The following PCDHA5 variants were observed in gnomAD, a reference collection of about 807,000 sequenced individuals.
PCDHA5 encodes the protein protocadherin alpha 5, also known as protocadherin alpha-5.
In PCDHA5, 43 loss-of-function variants were observed where a neutral mutation model predicts 61.6. That is an observed-to-expected ratio of 0.70 (90% CI 0.55 to 0.90). The LOEUF (loss-of-function observed/expected upper bound fraction) is 0.90. Ranked by LOEUF, PCDHA5 falls within the 40% of genes least tolerant of loss-of-function variation. The probability of loss-of-function intolerance (pLI) is 0.00; values close to 1 mark genes in which losing one functional copy is unlikely to be tolerated. For synonymous variants in PCDHA5, 627 were observed against 543.9 expected, an observed-to-expected ratio of 1.15 and a Z score of -2.13; for missense variants, 1,298 against 1,222.7, an observed-to-expected ratio of 1.06 and a Z score of -0.92.
chr5:140,978,849 T>C, intron 1 of PCDHA5, 100 bp from the exon 2 acceptor site: 7 of 1,577,036 alleles, frequency 4.4e-6, no homozygotes, highest in Non-Finnish European at 5.2e-6. Flanking sequence ...CTTTTTTAGA[T>C]GCCTGGAAAT....
intron 3 of PCDHA5, among the ~76,000 whole-genome samples, chr5:141,008,048 G>A (rs2098358764): frequency 1.3e-5 from 2 of 151,972 alleles, no homozygotes; most frequent in South Asian, 4.2e-4. Flanking sequence ...TTTGTAACAG[G>A]GGTCCAGTCC....
intron 1 of PCDHA5, among the ~76,000 whole-genome samples, chr5:140,899,340 C>T (rs1199833845): frequency 6.6e-6 from 1 of 152,062 alleles, no homozygotes; most frequent in Non-Finnish European, 1.5e-5. Flanking sequence ...TCATAGATAG[C>T]TCTTATTATT....
chr5:140,890,505 C>T (rs968263026), intron 1 of PCDHA5, among the ~76,000 whole-genome samples: 4 of 151,914 alleles, frequency 2.6e-5, no homozygotes, highest in Admixed American at 2.6e-4. Flanking sequence ...ATTTTTATGT[C>T]TCTATTTCCT....
chr5:140,940,485 ACAAGT>A (rs1554213400), intron 1 of PCDHA5, among the ~76,000 whole-genome samples: 1 of 151,718 alleles, frequency 6.6e-6, no homozygotes, highest in African/African-American at 2.4e-5. Flanking sequence ...TTTTTTCAAG[ACAAGT>A]CTTGCTCCGT....
At chr5:140,907,746 T>G (rs1240884837) in intron 1 of PCDHA5, among the ~76,000 whole-genome samples, 3 of 152,302 alleles carry the variant, frequency 2.0e-5, no homozygotes, top group African/African-American at 7.2e-5. Context: ...ATGGCCACTT[T>G]GTTCATGGGC....
At chr5:140,920,481 G>T (rs2079651233) in intron 1 of PCDHA5, among the ~76,000 whole-genome samples, 1 of 151,886 alleles carries the variant, frequency 6.6e-6, no homozygotes, top group Non-Finnish European at 1.5e-5. Context: ...TATGTTTTTG[G>T]TCCAACAATA....
rs146745311 is a variant in PCDHA5 at position 140,842,835 on chromosome 5, C to G, written c.2352+18708C>G. 9.4e-6 allele frequency: 15 copies of G among 1,593,736 alleles called. 3 individuals are homozygous for G. The African/African-American group carries it at 1.6e-4, about 17-fold the overall frequency. Reference sequence around the variant, plus strand: ...CGGCGGGTGGGCGAGCGCTCGCTGTCGAGCTACATTTCGGTGCACACGGAG... The same window carrying G: ...CGGCGGGTGGGCGAGCGCTCGCTGTGGAGCTACATTTCGGTGCACACGGAG... On this transcript the variant is annotated intron_variant, in intron 1 of 3. Transcript: ENST00000529859.
At chr5:140,997,673 TG>T (rs1554255971) in intron 3 of PCDHA5, among the ~76,000 whole-genome samples, 41 of 149,136 alleles carry the variant, frequency 2.7e-4, no homozygotes, top group African/African-American at 9.9e-4. Context: ...ACAGCTTGTG[TG>T]TGTGTGTGTG....
intron 1 of PCDHA5, among the ~76,000 whole-genome samples, chr5:140,879,397 G>A (rs973374921): frequency 6.6e-6 from 1 of 152,188 alleles, no homozygotes; most frequent in Non-Finnish European, 1.5e-5. Context: ...AACAGTTTGT[G>A]TGTATTTGAG....
Position 140,929,475 on chromosome 5 carries a change from G to A in PCDHA5, c.2353-49474G>A, listed in dbSNP as rs1554207114. ...ACTTCCTGTGCCAAGAAATCTGGAA[G>A]TATAGAAGTATTAGAAGATTGCCCT... is the stretch of plus-strand genomic sequence containing the variant. On this transcript the variant is annotated intron_variant, in intron 1 of 3. Transcript: ENST00000529859. The A allele has an allele frequency of 4.0e-6, 5 of 1,251,128 alleles. No individual in the cohort carries two copies. The Middle Eastern group carries it at 8.1e-4, about 202-fold the overall frequency. The allele number at this position is 1,251,128 out of a possible 1,614,324, so 77.5% of individuals were successfully genotyped here. A position where few individuals can be genotyped will look rare whatever the true frequency, so the allele number is the denominator to read the frequency against.
At chr5:140,858,512 T>C in intron 1 of PCDHA5, 1 of 1,426,790 alleles carries the variant, frequency 7.0e-7, no homozygotes, top group Non-Finnish European at 9.7e-7. Flanking sequence ...CTCAAATATG[T>C]ATCAGAATAT....
chr5:140,853,133 C>T (rs1646376725), intron 1 of PCDHA5: 1 of 642,274 alleles, frequency 1.6e-6, no homozygotes, highest in Non-Finnish European at 2.0e-6. Flanking sequence ...CCCGCCTCAG[C>T]CTCCCAAAAT....
chr5:140,972,218 C>A (rs367920234), intron 1 of PCDHA5, among the ~76,000 whole-genome samples: 129 of 152,040 alleles, frequency 8.5e-4, no homozygotes, highest in Middle Eastern at 3.4e-3. Flanking sequence ...TGGCTCACTG[C>A]AGCCTCGACC....
chr5:140,922,898 T>A (rs916788135), intron 1 of PCDHA5, among the ~76,000 whole-genome samples: 2 of 152,022 alleles, frequency 1.3e-5, no homozygotes, highest in African/African-American at 4.8e-5. Flanking sequence ...CAAGAAAAAA[T>A]TTTGAGATAC....
chr5:140,893,882 C>G (rs2064212921), intron 1 of PCDHA5, among the ~76,000 whole-genome samples: 1 of 152,140 alleles, frequency 6.6e-6, no homozygotes, highest in Non-Finnish European at 1.5e-5. Flanking sequence ...CCAAAGTGGC[C>G]AGAAAGTTAC....
rs199642773 is a variant in PCDHA5 at position 140,823,389 on chromosome 5, C to G, written c.1614C>G (p.Asp538Glu). Residue 538 changes from aspartate (D) to glutamate (E), a missense_variant, in exon 1 of 4, where the codon GAC becomes GAG. Physicochemically the swap from Asp to Glu is conservative, Grantham distance 45. Transcript: ENST00000529859. ...TGCAGTTCCAGGTGAGCGCGCGCGACGCGGGCGTGCCGCCTCTGGGCAGCA... is the reference window on the plus strand; with the variant it reads ...TGCAGTTCCAGGTGAGCGCGCGCGAGGCGGGCGTGCCGCCTCTGGGCAGCA... ...ELLQFQVSAR[D>E]AGVPPLGSNV... The G allele has an allele frequency of 1.2e-6, 2 of 1,612,876 alleles. No individual in the cohort carries two copies. Among genetic ancestry groups the G allele is most frequent in the Non-Finnish European group, 1.7e-6 (2 of 1,179,804 alleles).
chr5:140,833,179 G>A (rs928347111), intron 1 of PCDHA5, among the ~76,000 whole-genome samples: 1 of 152,198 alleles, frequency 6.6e-6, no homozygotes, highest in African/African-American at 2.4e-5. Context: ...GAAGATGACT[G>A]CAAGGATTAA....
At position 140,822,235 on chromosome 5, in the gene PCDHA5, G is replaced by A. The variant is rs1554128532; in HGVS notation, c.460G>A (p.Glu154Lys). 2.5e-6 allele frequency: 4 copies of A among 1,614,250 alleles called. No individual in the cohort carries two copies. The highest frequency in any genetic ancestry group is 3.4e-6 in the Non-Finnish European group (4 of 1,180,040). Residue 154 changes from glutamate to lysine, a missense_variant, in exon 1 of 4, where the codon GAG (glutamate) becomes AAG (lysine). Physicochemically the swap from Glu to Lys is moderately conservative, Grantham distance 56. Transcript: ENST00000529859. ...AATGCCAGATTCGCGGTTTCCGCTAGAGGGCGCGTCGGATTTGGATATTGG... is the reference window on the plus strand; with the variant it reads ...AATGCCAGATTCGCGGTTTCCGCTAAAGGGCGCGTCGGATTTGGATATTGG... Reference protein sequence around the residue: ...SRMPDSRFPLEGASDLDIGAN... With the variant: ...SRMPDSRFPLKGASDLDIGAN...
intron 1 of PCDHA5, chr5:140,968,847 A>G (rs781874732): frequency 8.7e-6 from 14 of 1,614,222 alleles, no homozygotes; most frequent in Middle Eastern, 1.6e-4. Context: ...ACTCAGAGGC[A>G]TGTTAAGAGC....
Sources: allele counts gnomAD v4.1 joint callset (sites outside exome capture counted in the v4.1 genomes callset), GRCh38; gene constraint gnomAD v4.1.1; transcripts MANE v1.5; gene names NCBI Gene and HGNC (gene_info 2026-07-23, HGNC 2026-07-21).